CLIC2: variants seen among roughly 807,000 people sequenced by gnomAD.
The protein encoded by CLIC2 is chloride intracellular channel protein 2.
In CLIC2, 9 loss-of-function variants were observed where a neutral mutation model predicts 14.8. That is an observed-to-expected ratio of 0.61 (90% confidence interval 0.37 to 1.06). The LOEUF (loss-of-function observed/expected upper bound fraction) is 1.06. CLIC2 is among the 50% of genes least tolerant of loss of function. The pLI, the probability that CLIC2 is intolerant of heterozygous loss-of-function variation, is 0.01. For missense variants in CLIC2, 148 were observed against 181.4 expected (o/e 0.82, Z 1.06); for synonymous variants, 61 against 66.3 (o/e 0.92, Z 0.39).
intron 1 of CLIC2, 86 bp from the exon 2 acceptor site, chrX:155,299,231 G>C (rs1331836859): frequency 2.0e-5 from 14 of 700,200 alleles, no homozygotes; most frequent in South Asian, 1.3e-4. Flanking sequence ...CCAGTTGCTA[G>C]AGACAAACAT....
At chrX:155,290,730 G>C (rs1395926588) in intron 3 of CLIC2, 1 of 701,602 alleles carries the variant, frequency 1.4e-6, no homozygotes, top group Non-Finnish European at 2.3e-6. Flanking sequence ...TTCTGTATTT[G>C]TTGTGTTGGC....
intron 3 of CLIC2, among the ~76,000 whole-genome samples, chrX:155,286,868 A>T (rs1171747211): frequency 8.9e-6 from 1 of 111,915 alleles, no homozygotes; most frequent in Non-Finnish European, 1.9e-5. Flanking sequence ...TGGATATTAG[A>T]CCTTTGTTAG....
chrX:155,285,329 G>T (rs1358197389), intron 3 of CLIC2, among the ~76,000 whole-genome samples: 3 of 111,910 alleles, frequency 2.7e-5, no homozygotes, highest in Non-Finnish European at 5.6e-5. Flanking sequence ...TTAAAAATGG[G>T]TGTGTCAAAG....
chrX:155,305,190 C>T (rs1210724123), intron 1 of CLIC2, among the ~76,000 whole-genome samples: 1 of 112,209 alleles, frequency 8.9e-6, no homozygotes, highest in Non-Finnish European at 1.9e-5. Flanking sequence ...TCGCTGCCAC[C>T]TTGCAGTTTG....
At chrX:155,321,516 A>T (rs1557321621) in intron 1 of CLIC2, among the ~76,000 whole-genome samples, 1 of 112,678 alleles carries the variant, frequency 8.9e-6, no homozygotes, top group East Asian at 2.8e-4. Context: ...GCAAATGCTG[A>T]GAGATTTTGT....
chrX:155,310,433 C>G (rs1222036736), intron 1 of CLIC2: 1 of 284,680 alleles, frequency 3.5e-6, no homozygotes, highest in Admixed American at 3.9e-5. Flanking sequence ...TGGCTATGCC[C>G]TGGCCACTTG....
In CLIC2 at chrX:155,292,231, T is replaced by A. The variant is rs2074969899; in HGVS notation, c.293+6554A>T. Reference sequence around the variant, plus strand: ...CCTCCTTTAAAAGGAAATATCCAGATTTAGAGAGACGAGATTTGTCTCACA... The same window carrying A: ...CCTCCTTTAAAAGGAAATATCCAGAATTAGAGAGACGAGATTTGTCTCACA... On this transcript the variant is annotated intron_variant, in intron 3 of 5. Transcript: ENST00000369449. The A allele has an allele frequency of 7.0e-6, 4 of 569,111 alleles. No homozygotes were observed. The East Asian group carries it at 1.3e-4, about 19-fold the overall frequency. The allele number at this position is 569,111 out of a possible 1,213,427, so 46.9% of individuals were successfully genotyped here. A position where few individuals can be genotyped will look rare whatever the true frequency, so the allele number is the denominator to read the frequency against.
chrX:155,288,365 T>C lies in CLIC2; in HGVS notation c.294-8297A>G, dbSNP rs781794254. On this transcript the variant is annotated intron_variant, in intron 3 of 5. Coordinates refer to ENST00000369449, the MANE Select transcript of CLIC2 (RefSeq NM_001289.6). ...ATGCATCACTGATTTTCAGCAATCA[T>C]AGGTTTAATAATAATTAGTTTAAGA... Among the ~76,000 whole-genome samples, 7 of 112,333 alleles carry C rather than the reference T, an allele frequency of 6.2e-5. 1 individual carries two copies. In the South Asian group the frequency reaches 2.2e-3, roughly 36 times the overall value.
intron 1 of CLIC2, among the ~76,000 whole-genome samples, chrX:155,321,559 A>G (rs1372286200): frequency 8.8e-6 from 1 of 113,016 alleles, no homozygotes; most frequent in African/African-American, 3.2e-5. Flanking sequence ...GAGCTCCAGA[A>G]AGAAGCACTA....
chrX:155,293,782 G>T (rs1252690207), intron 3 of CLIC2, among the ~76,000 whole-genome samples: 1 of 110,820 alleles, frequency 9.0e-6, no homozygotes, highest in Non-Finnish European at 1.9e-5. Context: ...AGACAAAACA[G>T]ACATTAAATC....
rs782005749 is a variant in CLIC2 at position 155,277,963 on chromosome X, C to T, written c.684G>A (p.Thr228=). 1.8e-5 allele frequency: 22 copies of T among 1,206,389 alleles called. No homozygotes were observed. The highest frequency in any genetic ancestry group is 2.1e-5 in the Non-Finnish European group (19 of 892,167). The change falls in exon 6 of 6, where the codon ACG becomes ACA. Residue 228 remains threonine, a synonymous_variant. Transcript: ENST00000369449. ...NAYAREEFTH[T]CPEDKEIENT... ...TTTCAATTTCTTTGTCTTCAGGACA[C>T]GTGTGGGTAAATTCTTCACGGGCAT... is the stretch of plus-strand genomic sequence containing the variant.
chrX:155,279,428 T>C (rs2074910441), intron 4 of CLIC2, 98 bp from the exon 5 acceptor site: 2 of 608,057 alleles, frequency 3.3e-6, no homozygotes, highest in East Asian at 3.4e-5. Context: ...CCTCTATCTA[T>C]ACATACTACT....
intron 1 of CLIC2, among the ~76,000 whole-genome samples, chrX:155,305,151 G>C (rs1186242507): frequency 9.8e-5 from 11 of 112,199 alleles, no homozygotes; most frequent in African/African-American, 3.2e-4. Flanking sequence ...AATCAAGCCT[G>C]GGCAATGGCG....
At position 155,289,884 on chromosome X, in the gene CLIC2, G is replaced by C. The variant is rs2074956732; in HGVS notation, c.293+8901C>G. 2.7e-5 allele frequency among the ~76,000 whole-genome samples: 3 copies of C among 112,016 alleles called. No homozygotes were observed. In the South Asian group the frequency reaches 1.1e-3, roughly 42 times the overall value. ...ATGATCCTATAGTCTGACAGAGTTA[G>C]AACAGCTACTCAGAATAAGCAACTT... On this transcript the variant is annotated intron_variant, in intron 3 of 5. Coordinates refer to ENST00000369449, the MANE Select transcript of CLIC2 (RefSeq NM_001289.6).
intron 3 of CLIC2, among the ~76,000 whole-genome samples, chrX:155,289,113 C>T (rs1311111791): frequency 9.3e-6 from 1 of 108,090 alleles, no homozygotes; most frequent in African/African-American, 3.4e-5. Context: ...GATTGCTCTC[C>T]AGCCTGGGCA....
chrX:155,307,268 T>G (rs1557320115), intron 1 of CLIC2, among the ~76,000 whole-genome samples: 2 of 111,082 alleles, frequency 1.8e-5, no homozygotes, highest in Non-Finnish European at 3.8e-5. Context: ...CCTGAGGAAG[T>G]AGCATTTAAA....
At chrX:155,325,893 G>GT (rs2075136048) in intron 1 of CLIC2, among the ~76,000 whole-genome samples, 1 of 102,347 alleles carries the variant, frequency 9.8e-6, no homozygotes, top group Non-Finnish European at 2.0e-5. Flanking sequence ...AGGAATTGGA[G>GT]ACTATTATTC....
chrX:155,293,497 AAGAG>A (rs1385017856), intron 3 of CLIC2: 2 of 494,022 alleles, frequency 4.0e-6, no homozygotes, highest in Non-Finnish European at 7.2e-6. Context: ...GATAAATGAC[AAGAG>A]AGAGAGAAAA....
Position 155,279,187 on chromosome X carries a change from C to T in CLIC2, c.544G>A (p.Ala182Thr). The change falls in exon 5 of 6, where the codon GCT becomes ACT. Residue 182 changes from alanine to threonine, a missense_variant. Coordinates refer to ENST00000369449, the MANE Select transcript of CLIC2 (RefSeq NM_001289.6). ...AGCTTGGGTAACAAGCTACAATCAG[C>T]CAGTGTTAGCTGGTCCCCATCCAAG... ...LFLDGDQLTL[A>T]DCSLLPKLNI... 8.3e-7 allele frequency: 1 copy of T among 1,210,769 alleles called. No individual in the cohort carries two copies. The highest frequency in any genetic ancestry group is 1.1e-6 in the Non-Finnish European group (1 of 894,856).
Sources: gnomAD v4.1 joint callset for allele counts (sites outside exome capture counted in the v4.1 genomes callset) on GRCh38, gnomAD v4.1.1 for gene constraint, MANE v1.5 for transcripts, NCBI Gene and HGNC (gene_info 2026-07-23, HGNC 2026-07-21) for gene names.